Variants in CSMD1 observed in about 807,000 individuals in gnomAD.
CSMD1 encodes CUB and sushi domain-containing protein 1.
In CSMD1, 213 loss-of-function variants were observed where a neutral mutation model predicts 417.5. The ratio of observed to expected loss-of-function variants is 0.51; its 90% CI spans 0.46 to 0.57. CSMD1 has a LOEUF of 0.57. Ranked by LOEUF, CSMD1 falls within the 20% of genes least tolerant of loss-of-function variation. The pLI, the probability that CSMD1 is intolerant of heterozygous loss-of-function variation, is 0.00. For synonymous variants in CSMD1, 2,862 were observed against 1,736.8 expected, an observed-to-expected ratio of 1.65 and a Z score of -16.11; for missense variants, 6,923 against 4,529.7, an observed-to-expected ratio of 1.53 and a Z score of -15.17.
chr8:3,933,215 TAA>T (rs1810273866), intron 5 of CSMD1, among the ~76,000 whole-genome samples: 1 of 152,148 alleles, frequency 6.6e-6, no homozygotes. Flanking sequence ...AATTTCTTGT[TAA>T]GTAGAAAAGG....
intron 3 of CSMD1, among the ~76,000 whole-genome samples, chr8:4,255,412 C>G (rs1430059738): frequency 6.6e-6 from 1 of 152,166 alleles, no homozygotes; most frequent in African/African-American, 2.4e-5. Flanking sequence ...AATATGCAAA[C>G]AGTAAAAATT....
At chr8:4,867,258 T>C (rs368046540) in intron 1 of CSMD1, among the ~76,000 whole-genome samples, 10 of 152,144 alleles carry the variant, frequency 6.6e-5, no homozygotes, top group East Asian at 5.8e-4. Context: ...AATATGCAAA[T>C]TGATAAACAC....
chr8:3,942,524 G>C (rs1810952190), intron 5 of CSMD1, among the ~76,000 whole-genome samples: 1 of 152,250 alleles, frequency 6.6e-6, no homozygotes, highest in African/African-American at 2.4e-5. Flanking sequence ...CCTCAACCCA[G>C]GAGGACACCG....
chr8:4,190,915 A>C (rs116701016), intron 3 of CSMD1, among the ~76,000 whole-genome samples: 2,617 of 149,790 alleles, frequency 0.017, 86 homozygotes, highest in African/African-American at 0.06. Flanking sequence ...ACATGGGTAC[A>C]CATAGGTGAA....
chr8:4,301,870 C>T (rs556654835), intron 3 of CSMD1, among the ~76,000 whole-genome samples: 2 of 80,716 alleles, frequency 2.5e-5, no homozygotes, highest in South Asian at 9.2e-4. Flanking sequence ...GCCCAAGCTT[C>T]ACCATAAATT....
At chr8:4,621,798 C>T (rs999475753) in intron 2 of CSMD1, among the ~76,000 whole-genome samples, 1 of 151,768 alleles carries the variant, frequency 6.6e-6, no homozygotes, top group Non-Finnish European at 1.5e-5. Context: ...TAAGTCAAAC[C>T]CAATAATATA....
Position 3,343,497 on chromosome 8 carries a change from C to A in CSMD1, c.3475-47G>T. 2.6e-6 allele frequency: 4 copies of A among 1,525,060 alleles called. No homozygotes were observed. The South Asian group carries it at 3.5e-5, about 13-fold the overall frequency. The allele number at this position is 1,525,060 out of a possible 1,614,324, so 94.5% of individuals were successfully genotyped here. On this transcript the variant is annotated intron_variant, in intron 22 of 69. Coordinates refer to ENST00000635120, the MANE Select transcript of CSMD1 (RefSeq NM_033225.6). ...AGTCCCTCTATGCCTTCACTGGATT[C>A]TTATGTTAGCAATGGTAATAAACAA...
chr8:3,153,723 A>G (rs746603361), intron 39 of CSMD1, among the ~76,000 whole-genome samples: 7 of 152,212 alleles, frequency 4.6e-5, no homozygotes, highest in Non-Finnish European at 8.8e-5. Flanking sequence ...CTCAGCGTAG[A>G]CAGCATCATC....
chr8:4,716,453 G>C (rs73659193), intron 1 of CSMD1, among the ~76,000 whole-genome samples: 4,024 of 152,172 alleles, frequency 0.026, 140 homozygotes, highest in East Asian at 0.1. Flanking sequence ...CTGAAAAACA[G>C]AATTTTTCAG....
chr8:4,020,852 A>T (rs1039814710), intron 4 of CSMD1, among the ~76,000 whole-genome samples: 1 of 152,174 alleles, frequency 6.6e-6, no homozygotes, highest in African/African-American at 2.4e-5. Context: ...TTTTGCCTAA[A>T]CTAATTTTAA....
At chr8:4,358,994 A>T (rs572345644) in intron 3 of CSMD1, among the ~76,000 whole-genome samples, 2 of 152,308 alleles carry the variant, frequency 1.3e-5, no homozygotes, top group East Asian at 3.9e-4. Context: ...ATTTAAGTTG[A>T]CATATATAGG....
intron 3 of CSMD1, among the ~76,000 whole-genome samples, chr8:4,113,621 G>T (rs1801976475): frequency 6.6e-6 from 1 of 151,968 alleles, no homozygotes; most frequent in Non-Finnish European, 1.5e-5. Context: ...AGCCAGGATG[G>T]TCTTGAACTC....
intron 3 of CSMD1, among the ~76,000 whole-genome samples, chr8:4,086,715 T>C (rs1302777990): frequency 6.6e-6 from 1 of 152,224 alleles, no homozygotes; most frequent in Admixed American, 6.5e-5. Context: ...CCCAGGTAGA[T>C]AGATGACATT....
At chr8:4,579,974 C>A (rs1799334963) in intron 2 of CSMD1, among the ~76,000 whole-genome samples, 1 of 152,142 alleles carries the variant, frequency 6.6e-6, no homozygotes, top group Admixed American at 6.6e-5. Context: ...TCCCTACTTG[C>A]TTTTTATTTT....
intron 59 of CSMD1, 47 bp downstream of exon 59, chr8:2,965,728 A>T (rs1420602220): frequency 6.6e-7 from 1 of 1,508,260 alleles, no homozygotes; most frequent in Non-Finnish European, 9.0e-7. Context: ...TAATTCAATA[A>T]AGACTTCTAT....
At position 3,263,644 on chromosome 8, in the gene CSMD1, T is replaced by C. The variant is rs147605520; in HGVS notation, c.4153+20500A>G. Among the ~76,000 whole-genome samples, 371 of 152,352 alleles carry C rather than the reference T, an allele frequency of 2.4e-3. 3 individuals carry two copies. The highest frequency in any genetic ancestry group is 8.5e-3 in the African/African-American group (353 of 41,574). On this transcript the variant is annotated intron_variant, in intron 26 of 69. Transcript: ENST00000635120. Reference sequence around the variant, plus strand: ...TTTTTGAGAGATTGATAACATATAGTTACCCAAATTAGAAAATGTAAAACA... The same window carrying C: ...TTTTTGAGAGATTGATAACATATAGCTACCCAAATTAGAAAATGTAAAACA...
chr8:4,154,327 A>G (rs965534825), intron 3 of CSMD1, among the ~76,000 whole-genome samples: 10 of 152,226 alleles, frequency 6.6e-5, no homozygotes, highest in African/African-American at 2.4e-4. Context: ...AGTTGAAAGG[A>G]TGTAGTCCAG....
chr8:4,130,738 CAAAG>C (rs958399500), intron 3 of CSMD1, among the ~76,000 whole-genome samples: 7 of 151,814 alleles, frequency 4.6e-5, no homozygotes, highest in African/African-American at 1.7e-4. Flanking sequence ...TCTATCAACT[CAAAG>C]GAAGATTTTG....
At chr8:3,038,024 G>T (rs372816694) in intron 50 of CSMD1, among the ~76,000 whole-genome samples, 3 of 152,040 alleles carry the variant, frequency 2.0e-5, no homozygotes, top group Non-Finnish European at 4.4e-5. Context: ...TATTTCTCTG[G>T]CCCGGCTTTC....
Sources: gnomAD v4.1 joint callset for allele counts (sites outside exome capture counted in the v4.1 genomes callset) on GRCh38, gnomAD v4.1.1 for gene constraint, MANE v1.5 for transcripts, NCBI Gene and HGNC (gene_info 2026-07-23, HGNC 2026-07-21) for gene names.